The following VPS13D variants were observed in gnomAD, a reference collection of about 807,000 sequenced individuals.
The protein encoded by VPS13D is vacuolar protein sorting 13 homolog D.
In VPS13D, 187 loss-of-function variants were observed where a neutral mutation model predicts 461.9. That is an observed-to-expected ratio of 0.40 (90% CI 0.36 to 0.46). The LOEUF is 0.46. Ranked by LOEUF, VPS13D falls within the 20% of genes least tolerant of loss-of-function variation. The pLI, the probability that VPS13D is intolerant of heterozygous loss-of-function variation, is 0.60. For missense variants in VPS13D, 4,711 were observed against 5,364.9 expected (o/e 0.88, Z 3.81); for synonymous variants, 1,951 against 1,986.3 (o/e 0.98, Z 0.47).
intron 41 of VPS13D, 68 bp downstream of exon 41, chr1:12,341,953 G>A: frequency 6.8e-7 from 1 of 1,460,506 alleles, no homozygotes; most frequent in South Asian, 1.2e-5. Context: ...CAGCCCAGTA[G>A]AGCAAGGTGG....
intron 52 of VPS13D, 97 bp downstream of exon 52, chr1:12,363,344 C>T: frequency 7.5e-7 from 1 of 1,328,528 alleles, no homozygotes; most frequent in Non-Finnish European, 1.0e-6. Context: ...ACAAATATTT[C>T]TGGCTCAGAC....
In VPS13D at chr1:12,234,285, G is replaced by C; in HGVS notation, c.19G>C (p.Ala7Pro). 6.2e-7 allele frequency: 1 copy of C among 1,613,968 alleles called. No individual in the cohort carries two copies. The change falls in exon 2 of 70, where the codon GCC becomes CCC. Residue 7 changes from alanine (A) to proline (P), a missense_variant. Coordinates refer to ENST00000620676, the MANE Select transcript of VPS13D (RefSeq NM_015378.4). ...TATAGTCATGTTGGAAGGCCTTGTAGCCTGGGTTCTCAATACCTATTTGGG... is the reference window on the plus strand; with the variant it reads ...TATAGTCATGTTGGAAGGCCTTGTACCCTGGGTTCTCAATACCTATTTGGG... MLEGLVAWVLNTYLGKY... is the reference protein window; with the variant it reads MLEGLVPWVLNTYLGKY...
rs1644068409 is a variant in VPS13D, at chr1:12,368,353, A to G, written c.10449-115A>G. 4 of 1,242,420 alleles carry G rather than the reference A, an allele frequency of 3.2e-6. No homozygotes were observed. The Admixed American group carries it at 1.1e-4, about 33-fold the overall frequency. The allele number at this position is 1,242,420 out of a possible 1,614,324, so 77.0% of individuals were successfully genotyped here. Reference sequence around the variant, plus strand: ...GGAACACACAGTGGGCTGTAAGTTCAGTGGTATTGACTGAGGCCCAAACAG... The same window carrying G: ...GGAACACACAGTGGGCTGTAAGTTCGGTGGTATTGACTGAGGCCCAAACAG... On this transcript the variant is annotated intron_variant, in intron 52 of 69. Coordinates refer to ENST00000620676, the MANE Select transcript of VPS13D (RefSeq NM_015378.4).
At chr1:12,392,143 T>C (rs572488004) in intron 60 of VPS13D, among the ~76,000 whole-genome samples, 7 of 152,260 alleles carry the variant, frequency 4.6e-5, no homozygotes, top group Admixed American at 3.3e-4. Context: ...ATTATAGGTG[T>C]GAGCCACTGC....
chr1:12,360,714 A>T (rs1034259314), intron 50 of VPS13D, among the ~76,000 whole-genome samples: 4 of 152,178 alleles, frequency 2.6e-5, no homozygotes, highest in Non-Finnish European at 5.9e-5. Flanking sequence ...TCTTAGATAC[A>T]GAGTTTTAGA....
At chr1:12,369,329 G>A (rs1045598372) in intron 53 of VPS13D, 138 bp from the exon 54 acceptor site, 26 of 771,374 alleles carry the variant, frequency 3.4e-5, no homozygotes, top group Non-Finnish European at 5.5e-5. Flanking sequence ...GTGAGATGAT[G>A]AATTTCACTG....
chr1:12,230,695 G>A (rs914625545), intron 1 of VPS13D, among the ~76,000 whole-genome samples: 2 of 151,286 alleles, frequency 1.3e-5, no homozygotes, highest in African/African-American at 4.9e-5. Context: ...TTTACCTTTT[G>A]CCCCCCAGGG....
chr1:12,304,563 A>T lies in VPS13D; in HGVS notation c.6274A>T (p.Thr2092Ser), dbSNP rs1418283538. ...GIPKHSLRKT[T>S]STEEPRGTHS... is the part of the protein sequence containing the mutation. Reference sequence around the variant, plus strand: ...TCCCAAACACAGTCTGAGGAAAACGACAAGCACGGAGGAGCCCAGGGGAAC... The same window carrying T: ...TCCCAAACACAGTCTGAGGAAAACGTCAAGCACGGAGGAGCCCAGGGGAAC... Residue 2092 changes from threonine (T) to serine (S), a missense_variant, in exon 26 of 70, where the codon ACA (threonine) becomes TCA (serine). By Grantham distance (58) the Thr-to-Ser change is moderately conservative. Around this residue, in one of 3 missense-constraint regions of VPS13D, gnomAD observed 4,411 missense variants for 4,937.8 expected, o/e 0.89. Coordinates refer to ENST00000620676, the MANE Select transcript of VPS13D (RefSeq NM_015378.4). The T allele has an allele frequency of 6.2e-7, 1 of 1,614,130 alleles. No individual in the cohort carries two copies. The highest frequency in any genetic ancestry group is 8.5e-7 in the Non-Finnish European group (1 of 1,180,026).
rs1641828762 is a variant in VPS13D, at chr1:12,282,865, G to A, written c.4763G>A (p.Arg1588Lys). 4.3e-6 allele frequency: 7 copies of A among 1,614,110 alleles called. No homozygotes were observed. The highest frequency in any genetic ancestry group is 5.9e-6 in the Non-Finnish European group (7 of 1,180,012). The stretch of plus-strand genomic sequence containing the variant: ...ACCTGTGGAGAATCTTCTGTTGAAA[G>A]GAAGGAGAATGGATTGTTCAGCCAC... ...LSTCGESSVE[R>K]KENGLFSHSS... is the part of the protein sequence containing the mutation. The change falls in exon 21 of 70, where the codon AGG becomes AAG. Residue 1588 changes from arginine to lysine, a missense_variant. This residue lies in a region of VPS13D where 4,411 missense variants were observed against 4,937.8 expected (regional missense o/e 0.89). Coordinates refer to ENST00000620676, the MANE Select transcript of VPS13D (RefSeq NM_015378.4).
rs189308749 is a variant in VPS13D, at chr1:12,462,675, C to T, written c.12662+2279C>T. Reference sequence around the variant, plus strand: ...GGGGGCTCATTGGATTTCTCTTGTACGTGTTTCAGAGTCAGTTAGTGTCAA... The same window carrying T: ...GGGGGCTCATTGGATTTCTCTTGTATGTGTTTCAGAGTCAGTTAGTGTCAA... On this transcript the variant is annotated intron_variant, in intron 67 of 69. Coordinates refer to ENST00000620676, the MANE Select transcript of VPS13D (RefSeq NM_015378.4). Among the ~76,000 whole-genome samples, 244 of 152,304 alleles carry T rather than the reference C, an allele frequency of 1.6e-3. 4 individuals carry two copies. Among genetic ancestry groups the T allele is most frequent in the African/African-American group, 5.7e-3 (235 of 41,562 alleles).
chr1:12,425,701 A>G (rs563285603), intron 65 of VPS13D, among the ~76,000 whole-genome samples: 24 of 150,050 alleles, frequency 1.6e-4, no homozygotes, highest in Non-Finnish European at 3.1e-4. Flanking sequence ...GGAAGGAAGG[A>G]AGGGAGGAAG....
chr1:12,276,674 A>G lies in VPS13D; in HGVS notation c.3086A>G (p.Asp1029Gly), dbSNP rs201041670. 2 of 1,614,032 alleles carry G rather than the reference A, an allele frequency of 1.2e-6. No individual in the cohort carries two copies. Among genetic ancestry groups the G allele is most frequent in the Non-Finnish European group, 1.7e-6 (2 of 1,180,034 alleles). Reference sequence around the variant, plus strand: ...GCTTCACATAAGAACTTGAGCTTTGATATTCCAACGGGAAGCCTTCGGGAT... The same window carrying G: ...GCTTCACATAAGAACTTGAGCTTTGGTATTCCAACGGGAAGCCTTCGGGAT... Reference protein sequence around the residue: ...LMASHKNLSFDIPTGSLRDSR... With the variant: ...LMASHKNLSFGIPTGSLRDSR... Residue 1029 changes from aspartate to glycine, a missense_variant, in exon 19 of 70, where the codon GAT (aspartate) becomes GGT (glycine). Transcript: ENST00000620676. The surrounding 1 kb of genome is among the most constrained non-coding windows in gnomAD (Gnocchi z 4.5).
At chr1:12,492,256 A>G (rs908770341) in intron 67 of VPS13D, among the ~76,000 whole-genome samples, 1 of 152,198 alleles carries the variant, frequency 6.6e-6, no homozygotes, top group African/African-American at 2.4e-5. Flanking sequence ...TAAATTTATT[A>G]ATTTATGTAT....
intron 57 of VPS13D, among the ~76,000 whole-genome samples, chr1:12,382,135 C>G (rs937530195): frequency 3.3e-5 from 5 of 149,988 alleles, no homozygotes; most frequent in African/African-American, 1.2e-4. Flanking sequence ...AAGTGTCGCT[C>G]TTGTTGCCCG....
intron 23 of VPS13D, among the ~76,000 whole-genome samples, chr1:12,292,748 G>GT (rs1051562887): frequency 6.6e-6 from 1 of 151,700 alleles, no homozygotes; most frequent in Admixed American, 6.6e-5. Flanking sequence ...CAGTGTGTGT[G>GT]TTTTTTTTAA....
intron 67 of VPS13D, among the ~76,000 whole-genome samples, chr1:12,488,225 G>A (rs924838277): frequency 1.3e-5 from 2 of 152,192 alleles, no homozygotes; most frequent in African/African-American, 4.8e-5. Flanking sequence ...CAATAATTCT[G>A]AATAAAGGTA....
intron 37 of VPS13D, among the ~76,000 whole-genome samples, chr1:12,330,522 G>A (rs111575773): frequency 2.8e-4 from 42 of 151,980 alleles, no homozygotes; most frequent in Non-Finnish European, 5.4e-4. Flanking sequence ...CATTTATTTC[G>A]CCCTGAGAGT....
Position 12,268,845 on chromosome 1 carries a change from C to T in VPS13D, c.1941C>T (p.Asp647=). The T allele has an allele frequency of 6.2e-7, 1 of 1,613,094 alleles. No homozygotes were observed. The highest frequency in any genetic ancestry group is 8.5e-7 in the Non-Finnish European group (1 of 1,179,628). Residue 647 remains aspartate, a synonymous_variant, in exon 16 of 70, where the codon GAC becomes GAT. Coordinates refer to ENST00000620676, the MANE Select transcript of VPS13D (RefSeq NM_015378.4). ...CGCAGGCCATTAAAAAAGTAGCAGA[C>T]TTTTTCTACAAGGGAAAGGTTCATA... is the stretch of plus-strand genomic sequence containing the variant. ...YNPQAIKKVA[D]FFYKGKVHTS... is the part of the protein sequence containing the mutation.
intron 7 of VPS13D, among the ~76,000 whole-genome samples, chr1:12,255,194 C>T (rs1362505981): frequency 1.3e-5 from 2 of 152,162 alleles, no homozygotes; most frequent in East Asian, 3.9e-4. Context: ...GATACACCTG[C>T]CTCGGCTTCA....
Sources: gnomAD v4.1 joint callset for allele counts (sites outside exome capture counted in the v4.1 genomes callset) on GRCh38, gnomAD v4.1.1 for gene constraint, gnomAD v4.1.1 regional missense constraint, Gnocchi (gnomAD v3.1) non-coding constraint, MANE v1.5 for transcripts, NCBI Gene and HGNC (gene_info 2026-07-23, HGNC 2026-07-21) for gene names.